Variants in DCAF8L2 observed in about 807,000 individuals in gnomAD.
DCAF8L2 encodes DDB1- and CUL4-associated factor 8-like protein 2.
For missense variants in DCAF8L2, 430 were observed against 490.7 expected, an observed-to-expected ratio of 0.88 and a Z score of 1.17; for synonymous variants, 200 against 190.9, an observed-to-expected ratio of 1.05 and a Z score of -0.39.
the DCAF8L2 span, among the ~76,000 whole-genome samples, chrX:27,494,936 C>A: frequency 9.0e-6 from 1 of 110,925 alleles, no homozygotes; most frequent in Admixed American, 9.6e-5. Context: ...GAATTCTGAT[C>A]TTTTTTTTGC....
At chrX:27,588,187 C>T (rs189100075), upstream of DCAF8L2, among the ~76,000 whole-genome samples, 77 of 108,054 alleles carry the variant, frequency 7.1e-4, no homozygotes, top group Admixed American at 6.4e-3. Context: ...TATCTATTTT[C>T]GCCATCTTTA....
intron 1 of DCAF8L2, chrX:27,627,246 G>A (rs760953045): frequency 1.8e-5 from 2 of 110,974 alleles, no homozygotes; most frequent in Admixed American, 9.6e-5. Flanking sequence ...AGGCACATCC[G>A]GCAAATGTTT....
intron 3 of DCAF8L2, among the ~76,000 whole-genome samples, chrX:27,696,744 A>G (rs747780999): frequency 2.1e-4 from 23 of 110,612 alleles, no homozygotes; most frequent in Non-Finnish European, 4.3e-4. Flanking sequence ...CTTCCTGTCA[A>G]GTGCAATAGC....
At chrX:27,612,232 G>A (rs1415547802) in intron 1 of DCAF8L2, among the ~76,000 whole-genome samples, 2 of 111,851 alleles carry the variant, frequency 1.8e-5, no homozygotes. Flanking sequence ...TTGGCTGCAT[G>A]TGTCTGTCTT....
At chrX:27,655,868 C>T (rs1444479134) in intron 2 of DCAF8L2, among the ~76,000 whole-genome samples, 1 of 111,402 alleles carries the variant, frequency 9.0e-6, no homozygotes, top group Non-Finnish European at 1.9e-5. Context: ...TTTAAAACTT[C>T]AAATTTGTGA....
At chrX:27,676,926 A>T (rs920393181) in intron 2 of DCAF8L2, 23 of 111,586 alleles carry the variant, frequency 2.1e-4, no homozygotes, top group African/African-American at 7.5e-4. Flanking sequence ...CCTAAACAAA[A>T]TGCTGTCTTC....
the DCAF8L2 span, chrX:27,517,981 G>GCCAT: frequency 8.5e-7 from 1 of 1,177,240 alleles, no homozygotes; most frequent in Non-Finnish European, 1.2e-6. Context: ...AGACAGCAAA[G>GCCAT]GTTATCCTAC....
At chrX:27,735,663 C>T (rs1299932811) in intron 4 of DCAF8L2, among the ~76,000 whole-genome samples, 1 of 111,673 alleles carries the variant, frequency 9.0e-6, no homozygotes, top group East Asian at 2.8e-4. Context: ...TACTTTCTAC[C>T]ATACATGCAT....
chrX:27,570,713 T>G, the DCAF8L2 span, among the ~76,000 whole-genome samples: 3 of 111,767 alleles, frequency 2.7e-5, no homozygotes, highest in African/African-American at 9.8e-5. Flanking sequence ...AGCAGCCTAT[T>G]CGGGGCAGCT....
chrX:27,518,783 A>G, the DCAF8L2 span: 16 of 372,673 alleles, frequency 4.3e-5, no homozygotes, highest in Admixed American at 6.2e-4. Flanking sequence ...AAGAATAAAA[A>G]TAAAAAGGGA....
intron 1 of DCAF8L2, among the ~76,000 whole-genome samples, chrX:27,611,286 A>G (rs190711073): frequency 6.3e-5 from 7 of 110,904 alleles, no homozygotes; most frequent in Admixed American, 9.7e-5. Context: ...AAATAAAAGA[A>G]GAAACATTAC....
the DCAF8L2 span, among the ~76,000 whole-genome samples, chrX:27,492,186 C>T: frequency 8.9e-6 from 1 of 111,797 alleles, no homozygotes; most frequent in South Asian, 3.7e-4. Context: ...TTCATGCTTC[C>T]TTCACTTATC....
At chrX:27,720,745 T>A (rs1436461215) in intron 4 of DCAF8L2, among the ~76,000 whole-genome samples, 2 of 111,928 alleles carry the variant, frequency 1.8e-5, no homozygotes, top group African/African-American at 6.5e-5. Context: ...AATCTATAGA[T>A]CAATTTGAGA....
chrX:27,471,163 A>G, the DCAF8L2 span, among the ~76,000 whole-genome samples: 1 of 111,984 alleles, frequency 8.9e-6, no homozygotes, highest in African/African-American at 3.2e-5. Flanking sequence ...ATCTCAAAAG[A>G]CAAGTTGTAT....
chrX:27,528,171 T>C, the DCAF8L2 span, among the ~76,000 whole-genome samples: 1 of 106,193 alleles, frequency 9.4e-6, no homozygotes, highest in Non-Finnish European at 1.9e-5. Context: ...CACTTGCTCC[T>C]TCTGATTAAA....
At position 27,748,133 on chromosome X, in the gene DCAF8L2, C is replaced by A; in HGVS notation, c.1238C>A (p.Pro413His). The A allele has an allele frequency of 1.7e-6, 2 of 1,211,700 alleles. No homozygotes were observed. Among genetic ancestry groups the A allele is most frequent in the South Asian group, 3.5e-5 (2 of 56,972 alleles). Residue 413 changes from proline to histidine, a missense_variant, in exon 5 of 5, where the codon CCT becomes CAT. By Grantham distance (77) the Pro-to-His change is moderately conservative. Coordinates refer to ENST00000451261, the MANE Select transcript of DCAF8L2 (RefSeq NM_001353450.2). ...ENNGVLKKFTPHHLVNCDFPT... is the reference protein window; with the variant it reads ...ENNGVLKKFTHHHLVNCDFPT... ...AATGGCGTGCTCAAGAAATTCACTC[C>A]TCATCATCTGGTTAATTGTGATTTC...
At chrX:27,687,387 A>G (rs1476127876) in intron 3 of DCAF8L2, among the ~76,000 whole-genome samples, 1 of 112,126 alleles carries the variant, frequency 8.9e-6, no homozygotes, top group Non-Finnish European at 1.9e-5. Context: ...CAGATATTCA[A>G]AACTTCAAAA....
At chrX:27,541,938 A>T in the DCAF8L2 span, among the ~76,000 whole-genome samples, 1 of 111,570 alleles carries the variant, frequency 9.0e-6, no homozygotes, top group East Asian at 2.8e-4. Flanking sequence ...AAATGAGAAC[A>T]TGTGGTATTT....
intron 4 of DCAF8L2, among the ~76,000 whole-genome samples, chrX:27,734,186 G>A (rs1004998673): frequency 1.4e-4 from 13 of 95,686 alleles, no homozygotes; most frequent in Admixed American, 1.3e-3. Context: ...CACGAGCAAG[G>A]GCAATCAGGC....
Sources: allele counts gnomAD v4.1 joint callset (sites outside exome capture counted in the v4.1 genomes callset), GRCh38; gene constraint gnomAD v4.1.1; transcripts MANE v1.5; gene names NCBI Gene and HGNC (gene_info 2026-07-23, HGNC 2026-07-21).